HECTD4: variants seen among roughly 807,000 people sequenced by gnomAD.
HECTD4 encodes HECT domain E3 ubiquitin protein ligase 4.
HECTD4 carries 114 observed loss-of-function variants against 471.5 expected under a neutral mutation model. The ratio of observed to expected loss-of-function variants is 0.24; its 90% CI spans 0.21 to 0.28. The LOEUF (loss-of-function observed/expected upper bound fraction) is 0.28, where lower values mean the gene tolerates loss of function less well. Ranked by LOEUF, HECTD4 falls within the 10% of genes least tolerant of loss-of-function variation. The pLI, the probability that HECTD4 is intolerant of heterozygous loss-of-function variation, is 1.00. For missense variants in HECTD4, 3,866 were observed against 5,651.5 expected (o/e 0.68, Z 10.13); for synonymous variants, 2,012 against 2,256.0 (o/e 0.89, Z 3.07).
In HECTD4 at chr12:112,305,826, C is replaced by T. The variant is rs534769438; in HGVS notation, c.1335+238G>A. Among the ~76,000 whole-genome samples, 7 of 152,342 alleles carry T rather than the reference C, an allele frequency of 4.6e-5. No homozygotes were observed. The South Asian group carries it at 1.5e-3, about 32-fold the overall frequency. ...CTACTTAAATACCCTTCTGTCTACA[C>T]ATTAAATAATGTTATCTCCAGTCAT... On this transcript the variant is annotated intron_variant, in intron 7 of 75. Transcript: ENST00000682272.
intron 1 of HECTD4, among the ~76,000 whole-genome samples, chr12:112,356,278 T>C (rs753808258): frequency 1.5e-4 from 23 of 152,294 alleles, no homozygotes; most frequent in Middle Eastern, 3.4e-3. Flanking sequence ...ATATTGTAAA[T>C]GGCATAAATT....
rs759855654 is a variant in HECTD4 at position 112,252,466 on chromosome 12, A to G, written c.3510T>C (p.Pro1170=). The change falls in exon 23 of 76, where the codon CCT becomes CCC. Residue 1170 remains proline, a synonymous_variant. Coordinates refer to ENST00000682272, the MANE Select transcript of HECTD4 (RefSeq NM_001388303.1). ...EMRSGREHNT[P]DKAMWGFACT... Reference sequence around the variant, plus strand: ...AAGCAAAGCCCCACATGGCTTTATCAGGAGTGTTGTGTTCACGGCCACTTC... The same window carrying G: ...AAGCAAAGCCCCACATGGCTTTATCGGGAGTGTTGTGTTCACGGCCACTTC... The G allele has an allele frequency of 1.9e-6, 3 of 1,612,232 alleles. No homozygotes were observed. The East Asian group carries it at 6.7e-5, about 36-fold the overall frequency.
At chr12:112,347,234 G>T (rs2036169237) in intron 1 of HECTD4, among the ~76,000 whole-genome samples, 1 of 152,164 alleles carries the variant, frequency 6.6e-6, no homozygotes, top group Non-Finnish European at 1.5e-5. Context: ...ACTCAGCCAG[G>T]CATGGTGGCT....
intron 7 of HECTD4, among the ~76,000 whole-genome samples, chr12:112,293,272 G>GTTT (rs2034932654): frequency 6.6e-6 from 1 of 151,292 alleles, no homozygotes; most frequent in African/African-American, 2.4e-5. Context: ...GGCTGAGGCA[G>GTTT]GAGAATCGCT....
At chr12:112,347,977 G>A (rs956208004) in intron 1 of HECTD4, among the ~76,000 whole-genome samples, 1 of 152,088 alleles carries the variant, frequency 6.6e-6, no homozygotes, top group South Asian at 2.1e-4. Flanking sequence ...CTCTATCTTT[G>A]CCCCAGTCTT....
chr12:112,282,361 A>C (rs1292347701), intron 8 of HECTD4, among the ~76,000 whole-genome samples: 2 of 152,142 alleles, frequency 1.3e-5, no homozygotes, highest in South Asian at 4.1e-4. Flanking sequence ...CCAGCCTGGA[A>C]GACAGAGCAA....
chr12:112,250,644 C>A (rs1459619044), intron 24 of HECTD4, among the ~76,000 whole-genome samples: 1 of 152,200 alleles, frequency 6.6e-6, no homozygotes, highest in Non-Finnish European at 1.5e-5. Flanking sequence ...TCCACAGACA[C>A]ACTTGTCTAG....
intron 69 of HECTD4, chr12:112,169,987 G>T: frequency 1.9e-6 from 1 of 535,494 alleles, no homozygotes; most frequent in Non-Finnish European, 3.4e-6. Flanking sequence ...CTGTCTATAC[G>T]CTGTGGCAGA....
chr12:112,286,879 C>T (rs563961993), intron 7 of HECTD4, among the ~76,000 whole-genome samples: 24 of 152,176 alleles, frequency 1.6e-4, no homozygotes, highest in Non-Finnish European at 2.2e-4. Context: ...TAGCTACACT[C>T]GCCTTCTGTC....
In HECTD4 at chr12:112,163,409, A is replaced by T. The variant is rs1360417550; in HGVS notation, c.12897+133T>A. Reference sequence around the variant, plus strand: ...AGCACAGGGAGATGACAATGATGACAATGATACAGGTCTGTGGCAAGGACA... The same window carrying T: ...AGCACAGGGAGATGACAATGATGACTATGATACAGGTCTGTGGCAAGGACA... On this transcript the variant is annotated intron_variant, in intron 74 of 75. Transcript: ENST00000682272. The surrounding 1 kb of genome is among the most constrained non-coding windows in gnomAD (Gnocchi z 8.2). 9.7e-7 allele frequency: 1 copy of T among 1,031,808 alleles called. No individual in the cohort carries two copies. The highest frequency in any genetic ancestry group is 1.6e-5 in the African/African-American group (1 of 61,632). The allele number at this position is 1,031,808 out of a possible 1,614,324, so 63.9% of individuals were successfully genotyped here.
Position 112,235,624 on chromosome 12 carries a change from C to T in HECTD4, c.5605G>A (p.Glu1869Lys). ...LMSVEDCGNV[E>K]LPPWSYSVPS... ...ACAGAGTAGCTCCAGGGTGGGAGCTCCACGTTTCCACAGTCTTCTACGCTC... is the reference window on the plus strand; with the variant it reads ...ACAGAGTAGCTCCAGGGTGGGAGCTTCACGTTTCCACAGTCTTCTACGCTC... Residue 1869 changes from glutamate (E) to lysine (K), a missense_variant, in exon 36 of 76, where the codon GAG becomes AAG. This residue lies in a region of HECTD4 where 617 missense variants were observed against 915.1 expected (regional missense o/e 0.67). Coordinates refer to ENST00000682272, the MANE Select transcript of HECTD4 (RefSeq NM_001388303.1). This position sits in a 1 kb window ranked among gnomAD's most constrained non-coding sequence, Gnocchi z 5.0. The T allele has an allele frequency of 6.2e-7, 1 of 1,613,998 alleles. No individual in the cohort carries two copies. Among genetic ancestry groups the T allele is most frequent in the Non-Finnish European group, 8.5e-7 (1 of 1,179,874 alleles).
intron 1 of HECTD4, among the ~76,000 whole-genome samples, chr12:112,356,168 G>A (rs1282045188): frequency 2.0e-5 from 3 of 152,134 alleles, no homozygotes; most frequent in Non-Finnish European, 4.4e-5. Context: ...TATATTTACT[G>A]TGTCATAGAT....
intron 7 of HECTD4, among the ~76,000 whole-genome samples, chr12:112,302,976 CT>C (rs2035195307): frequency 7.3e-6 from 1 of 137,142 alleles, no homozygotes; most frequent in South Asian, 2.3e-4. Context: ...ATTTTGTCTG[CT>C]CTTTTTTTTT....
chr12:112,195,249 G>A (rs180689907), intron 55 of HECTD4, among the ~76,000 whole-genome samples, 183 bp from the exon 56 acceptor site: 187 of 152,236 alleles, frequency 1.2e-3, no homozygotes, highest in Middle Eastern at 0.01. Flanking sequence ...ATATTGTTAC[G>A]TTTGATTTTT....
chr12:112,256,337 G>T lies in HECTD4; in HGVS notation c.3310C>A (p.Gln1104Lys). Residue 1104 changes from glutamine (Q) to lysine (K), a missense_variant, in exon 21 of 76, where the codon CAA becomes AAA. Around this residue, in one of 16 missense-constraint regions of HECTD4, gnomAD observed 281 missense variants for 499.9 expected, o/e 0.56. Transcript: ENST00000682272. ...YLRFDSRCSS[Q>K]YDYDKLVIYA... is the part of the protein sequence containing the mutation. ...TTACTTACTTTGTCATAGTCATATT[G>T]CGAAGAGCATCTGCTATCAAATCTA... The T allele has an allele frequency of 6.2e-7, 1 of 1,604,200 alleles. No individual in the cohort carries two copies.
chr12:112,235,631 T>A lies in HECTD4; in HGVS notation c.5598A>T (p.Gly1866=), dbSNP rs2033482562. The change falls in exon 36 of 76, where the codon GGA becomes GGT. Residue 1866 remains glycine, a synonymous_variant. Coordinates refer to ENST00000682272, the MANE Select transcript of HECTD4 (RefSeq NM_001388303.1). This position sits in a 1 kb window ranked among gnomAD's most constrained non-coding sequence, Gnocchi z 5.0. ...ALPLMSVEDC[G]NVELPPWSYS... is the part of the protein sequence containing the mutation. Reference sequence around the variant, plus strand: ...AGCTCCAGGGTGGGAGCTCCACGTTTCCACAGTCTTCTACGCTCATCAGGG... The same window carrying A: ...AGCTCCAGGGTGGGAGCTCCACGTTACCACAGTCTTCTACGCTCATCAGGG... The A allele has an allele frequency of 1.2e-6, 2 of 1,613,922 alleles. No individual in the cohort carries two copies. Among genetic ancestry groups the A allele is most frequent in the Non-Finnish European group, 1.7e-6 (2 of 1,179,894 alleles).
At chr12:112,236,004 A>C (rs773401704) in intron 35 of HECTD4, among the ~76,000 whole-genome samples, 1 of 152,230 alleles carries the variant, frequency 6.6e-6, no homozygotes, top group Non-Finnish European at 1.5e-5. Flanking sequence ...ATATTTTCTG[A>C]TCTCTGATGT....
intron 32 of HECTD4, among the ~76,000 whole-genome samples, chr12:112,241,729 G>A (rs949563107): frequency 6.6e-6 from 1 of 152,064 alleles, no homozygotes; most frequent in African/African-American, 2.4e-5. Context: ...TTAAGTGCTG[G>A]GATTATAGGT....
In HECTD4 at chr12:112,163,494, G is replaced by A. The variant is rs929533406; in HGVS notation, c.12897+48C>T. The A allele has an allele frequency of 7.0e-6, 10 of 1,418,824 alleles. No homozygotes were observed. The highest frequency in any genetic ancestry group is 5.1e-5 in the East Asian group (2 of 39,112). 87.9% of individuals were successfully genotyped at this position (1,418,824 alleles called of 1,614,324 possible). A position where few individuals can be genotyped will look rare whatever the true frequency, so the allele number is the denominator to read the frequency against. Reference sequence around the variant, plus strand: ...GGAGTTGAGGGTGACAGGGAGGCACGCCTGGGGCTCACCACCTCCCCGCCC... The same window carrying A: ...GGAGTTGAGGGTGACAGGGAGGCACACCTGGGGCTCACCACCTCCCCGCCC... On this transcript the variant is annotated intron_variant, in intron 74 of 75. Coordinates refer to ENST00000682272, the MANE Select transcript of HECTD4 (RefSeq NM_001388303.1). This position sits in a 1 kb window ranked among gnomAD's most constrained non-coding sequence, Gnocchi z 8.2.
Sources: allele counts gnomAD v4.1 joint callset (sites outside exome capture counted in the v4.1 genomes callset), GRCh38; gene constraint gnomAD v4.1.1; regional missense constraint gnomAD v4.1.1; non-coding constraint Gnocchi (gnomAD v3.1); transcripts MANE v1.5; gene names NCBI Gene and HGNC (gene_info 2026-07-23, HGNC 2026-07-21).